The following NRG1 variants were observed in gnomAD, a reference collection of about 807,000 sequenced individuals.
The protein encoded by NRG1 is neuregulin 1, also known as pro-neuregulin-1, membrane-bound isoform.
Under a neutral mutation model 63.8 loss-of-function variants are expected in NRG1, and 18 were observed. That is an observed-to-expected ratio of 0.28 (90% CI 0.19 to 0.42). The LOEUF is 0.42. Among genes scored for constraint, NRG1 ranks in the 10% least tolerant of loss-of-function variants. The pLI, the probability that NRG1 is intolerant of heterozygous loss-of-function variation, is 1.00. For missense variants in NRG1, 762 were observed against 814.7 expected, an observed-to-expected ratio of 0.94 and a Z score of 0.79; for synonymous variants, 302 against 301.3, an observed-to-expected ratio of 1.00 and a Z score of -0.02.
chr8:32,220,632 C>T lies in NRG1; in HGVS notation c.38-375196C>T, dbSNP rs527865882. On this transcript the variant is annotated intron_variant, in intron 1 of 10. Transcript: ENST00000519301. Reference sequence around the variant, plus strand: ...TCAGAACTAGTCGGACCTAAGGGAGCAGATATTTTCCAAAAATATCCTTCC... The same window carrying T: ...TCAGAACTAGTCGGACCTAAGGGAGTAGATATTTTCCAAAAATATCCTTCC... Among the ~76,000 whole-genome samples the T allele has an allele frequency of 7.7e-4, 118 of 152,290 alleles. 1 individual carries two copies. The South Asian group carries it at 0.02, about 26-fold the overall frequency.
intron 1 of NRG1, among the ~76,000 whole-genome samples, chr8:32,503,318 GAAATAAACTT>G (rs1287212987): frequency 2.8e-5 from 3 of 105,864 alleles, no homozygotes; most frequent in African/African-American, 1.1e-4. Flanking sequence ...AAAAAAAAAG[GAAATAAACTT>G]AAATAGATAA....
chr8:32,439,863 T>C (rs1257080182), intron 1 of NRG1, among the ~76,000 whole-genome samples: 1 of 137,992 alleles, frequency 7.2e-6, no homozygotes, highest in Non-Finnish European at 1.6e-5. Context: ...CTTGATCTTC[T>C]GGGCTCAAGC....
At chr8:32,377,039 A>G (rs1057163731) in intron 1 of NRG1, among the ~76,000 whole-genome samples, 1 of 152,214 alleles carries the variant, frequency 6.6e-6, no homozygotes, top group Admixed American at 6.5e-5. Context: ...TAAATGCAGA[A>G]GCGAATTTCA....
chr8:31,683,067 C>T (rs1309990266), intron 1 of NRG1, among the ~76,000 whole-genome samples: 1 of 152,108 alleles, frequency 6.6e-6, no homozygotes, highest in Non-Finnish European at 1.5e-5. Flanking sequence ...TCGGGAGAAA[C>T]GATCTTCCTA....
At chr8:31,876,287 C>T (rs899818764) in intron 1 of NRG1, among the ~76,000 whole-genome samples, 1 of 152,102 alleles carries the variant, frequency 6.6e-6, no homozygotes, top group Non-Finnish European at 1.5e-5. Context: ...ACTTCAGTTT[C>T]CCCATTTAAA....
intron 1 of NRG1, among the ~76,000 whole-genome samples, chr8:32,452,619 A>G (rs2129488169): frequency 6.6e-6 from 1 of 152,286 alleles, no homozygotes; most frequent in Non-Finnish European, 1.5e-5. Context: ...AGAAGCTTTG[A>G]GTTCATTCTC....
intron 7 of NRG1, among the ~76,000 whole-genome samples, chr8:32,745,155 T>C (rs907125423): frequency 6.6e-6 from 1 of 152,040 alleles, no homozygotes; most frequent in African/African-American, 2.4e-5. Flanking sequence ...GAAAAATAAA[T>C]TTGTGCTGCT....
At chr8:32,697,383 T>C (rs1316129881) in intron 5 of NRG1, among the ~76,000 whole-genome samples, 3 of 152,194 alleles carry the variant, frequency 2.0e-5, no homozygotes, top group African/African-American at 7.2e-5. Context: ...ATATCCAGAG[T>C]TAACTGCTCA....
chr8:32,014,851 C>G (rs1164739742), intron 1 of NRG1, among the ~76,000 whole-genome samples: 1 of 151,916 alleles, frequency 6.6e-6, no homozygotes, highest in African/African-American at 2.4e-5. Context: ...ATGAATGTAT[C>G]TGTGTATAAA....
chr8:32,179,773 C>A (rs1035673571), intron 1 of NRG1, among the ~76,000 whole-genome samples: 5 of 152,194 alleles, frequency 3.3e-5, no homozygotes, highest in African/African-American at 7.2e-5. Flanking sequence ...TCCTTTGAAG[C>A]ATAAGTGCCT....
chr8:31,691,330 G>A (rs550496375), intron 1 of NRG1, among the ~76,000 whole-genome samples: 35 of 152,232 alleles, frequency 2.3e-4, no homozygotes, highest in Non-Finnish European at 4.9e-4. Context: ...ATCTGAGGCC[G>A]GGCGCGGTGG....
chr8:32,416,719 G>T (rs1815971586), intron 1 of NRG1, among the ~76,000 whole-genome samples: 1 of 151,994 alleles, frequency 6.6e-6, no homozygotes, highest in Non-Finnish European at 1.5e-5. Context: ...ACAGGGTCTG[G>T]CTGTGTTGCC....
chr8:31,843,802 T>A (rs1358263415), intron 1 of NRG1, among the ~76,000 whole-genome samples: 1 of 152,176 alleles, frequency 6.6e-6, no homozygotes, highest in Non-Finnish European at 1.5e-5. Context: ...TACCACTTGA[T>A]GTGTGTGTGA....
intron 1 of NRG1, among the ~76,000 whole-genome samples, chr8:31,854,264 C>A (rs1827595572): frequency 6.6e-6 from 1 of 152,020 alleles, no homozygotes. Flanking sequence ...GGTTGGTAAG[C>A]TATTGATTAC....
chr8:31,719,159 A>G (rs1812657536), intron 1 of NRG1, among the ~76,000 whole-genome samples: 1 of 152,168 alleles, frequency 6.6e-6, no homozygotes, highest in Non-Finnish European at 1.5e-5. Context: ...GTTCCCTCCT[A>G]AAGATAAAAC....
intron 1 of NRG1, among the ~76,000 whole-genome samples, chr8:31,731,200 TGAA>T (rs1814010988): frequency 6.6e-6 from 1 of 152,068 alleles, no homozygotes. Flanking sequence ...ATACCAGACA[TGAA>T]GGCAAAGCTA....
intron 1 of NRG1, among the ~76,000 whole-genome samples, chr8:31,714,671 C>T (rs1162456714): frequency 6.6e-6 from 1 of 152,096 alleles, no homozygotes; most frequent in Admixed American, 6.5e-5. Flanking sequence ...CATCTATATG[C>T]ATCTATCCAT....
intron 1 of NRG1, among the ~76,000 whole-genome samples, chr8:32,521,596 A>G (rs1648829891): frequency 6.6e-6 from 1 of 152,242 alleles, no homozygotes; most frequent in African/African-American, 2.4e-5. Context: ...AATATTCATT[A>G]TCACTGAAGA....
rs1470228188 is a variant in NRG1, at chr8:32,632,492, T to G, written c.502+15607T>G. 3.5e-5 allele frequency among the ~76,000 whole-genome samples: 5 copies of G among 143,268 alleles called. No homozygotes were observed. In the East Asian group the frequency reaches 1.0e-3, roughly 30 times the overall value. The allele number at this position is 143,268 out of a possible 152,430, so 94.0% of individuals were successfully genotyped here. A position where few individuals can be genotyped will look rare whatever the true frequency, so the allele number is the denominator to read the frequency against. ...TGAACCTGGGAGGCAGAGGTTGCGGTGAGCTGAGATCACGCCATTGCACTC... is the reference window on the plus strand; with the variant it reads ...TGAACCTGGGAGGCAGAGGTTGCGGGGAGCTGAGATCACGCCATTGCACTC... On this transcript the variant is annotated intron_variant, in intron 5 of 11. Coordinates refer to ENST00000356819, the Ensembl canonical transcript of NRG1.
Sources: gnomAD v4.1 joint callset for allele counts (sites outside exome capture counted in the v4.1 genomes callset) on GRCh38, gnomAD v4.1.1 for gene constraint, MANE v1.5 for transcripts, NCBI Gene and HGNC (gene_info 2026-07-23, HGNC 2026-07-21) for gene names.